ASIP: variants seen among roughly 807,000 people sequenced by gnomAD.
ASIP encodes agouti signaling protein, also known as agouti-signaling protein.
Under a neutral mutation model 10.3 loss-of-function variants are expected in ASIP, and 11 were observed. The observed-to-expected ratio is 1.07, with a 90% CI of 0.68 to 1.78. ASIP has a LOEUF of 1.78. Among genes scored for constraint, ASIP ranks in the 40% most tolerant of loss-of-function variants. The probability of loss-of-function intolerance (pLI) is 0.00; values close to 1 mark genes in which losing one functional copy is unlikely to be tolerated. For synonymous variants in ASIP, 70 were observed against 70.8 expected (o/e 0.99, Z 0.06); for missense variants, 180 against 169.2 (o/e 1.06, Z -0.35).
intron 1 of ASIP, among the ~76,000 whole-genome samples, chr20:34,235,881 GGAAGGAAGGAAGGAAGGAAAGGAA>G (rs2035189779): frequency 3.0e-5 from 3 of 98,638 alleles, no homozygotes; most frequent in Admixed American, 9.3e-5. Context: ...AAGGAAGGAA[GGAAGGAAGGAAGGAAGGAAAGGAA>G]GGAAGGAAGG....
intron 1 of ASIP, among the ~76,000 whole-genome samples, chr20:34,221,588 A>G (rs1006746402): frequency 1.3e-5 from 2 of 152,202 alleles, no homozygotes; most frequent in African/African-American, 4.8e-5. Flanking sequence ...TCTAATAAGC[A>G]AAATGGGATA....
At chr20:34,221,127 C>G (rs1406180478) in intron 1 of ASIP, among the ~76,000 whole-genome samples, 2 of 151,878 alleles carry the variant, frequency 1.3e-5, no homozygotes, top group African/African-American at 4.8e-5. Flanking sequence ...GCCTGTAATC[C>G]CAGCTTTTTG....
At chr20:34,211,736 T>C (rs1220495093) in intron 1 of ASIP, among the ~76,000 whole-genome samples, 1 of 152,246 alleles carries the variant, frequency 6.6e-6, no homozygotes, top group South Asian at 2.1e-4. Flanking sequence ...TTCTGAGTTA[T>C]GTTGTTTCCT....
intron 1 of ASIP, among the ~76,000 whole-genome samples, chr20:34,245,278 G>C (rs1168332237): frequency 6.8e-6 from 1 of 146,024 alleles, no homozygotes; most frequent in Admixed American, 6.9e-5. Context: ...AGGTGGCAGT[G>C]AGCTGAGATC....
chr20:34,219,962 T>C (rs560641167), intron 1 of ASIP, among the ~76,000 whole-genome samples: 12 of 152,136 alleles, frequency 7.9e-5, no homozygotes, highest in African/African-American at 2.2e-4. Flanking sequence ...TGGTGGTGGG[T>C]GCCTGTAGTC....
rs1475492388 is a variant in ASIP, at chr20:34,269,061, A to G, written c.293A>G (p.Asn98Ser). 6.3e-7 allele frequency: 1 copy of G among 1,597,140 alleles called. No homozygotes were observed. The highest frequency in any genetic ancestry group is 8.5e-7 in the Non-Finnish European group (1 of 1,172,662). The stretch of plus-strand genomic sequence containing the variant: ...TCTGCGCCCTGCGTGGCCACCCGCA[A>G]CAGCTGCAAGCCGCCGGCACCCGCC... ...PLSAPCVATR[N>S]SCKPPAPACC... Residue 98 changes from asparagine (N) to serine (S), a missense_variant, in exon 4 of 4, where the codon AAC becomes AGC. Coordinates refer to ENST00000374954, the MANE Select transcript of ASIP (RefSeq NM_001672.3).
chr20:34,246,831 C>G (rs1198167128), intron 1 of ASIP, among the ~76,000 whole-genome samples: 16 of 152,072 alleles, frequency 1.1e-4, no homozygotes, highest in Admixed American at 1.0e-3. Flanking sequence ...ATTCCCACAA[C>G]TCTTCTATTT....
chr20:34,236,296 T>G (rs1327368672), intron 1 of ASIP, among the ~76,000 whole-genome samples: 1 of 152,146 alleles, frequency 6.6e-6, no homozygotes, highest in Admixed American at 6.6e-5. Context: ...TCCCAGCACT[T>G]TGGGAGGCCG....
chr20:34,187,831 A>C, the ASIP span, among the ~76,000 whole-genome samples: 1 of 152,232 alleles, frequency 6.6e-6, no homozygotes, highest in East Asian at 1.9e-4. Flanking sequence ...TATCACTTGA[A>C]AATGGGGCAG....
At chr20:34,262,343 G>A (rs538338932) in intron 2 of ASIP, among the ~76,000 whole-genome samples, 1 of 152,300 alleles carries the variant, frequency 6.6e-6, no homozygotes, top group Non-Finnish European at 1.5e-5. Context: ...CAGCCACATA[G>A]TCATTATATT....
chr20:34,239,828 C>T (rs1224816859), upstream of ASIP, among the ~76,000 whole-genome samples: 2 of 152,192 alleles, frequency 1.3e-5, no homozygotes, highest in Admixed American at 6.5e-5. Context: ...CACTCTTCTG[C>T]ACCCATCACC....
In ASIP at chr20:34,258,990, C is replaced by T. The variant is rs534017199; in HGVS notation, c.-10-1375C>T. Among the ~76,000 whole-genome samples the T allele has an allele frequency of 2.7e-5, 4 of 145,542 alleles. No individual in the cohort carries two copies. In the South Asian group the frequency reaches 8.6e-4, roughly 31 times the overall value. ...GGCTTAGGTGGGAGGATCACTTGAGCCCAGGAGTTCAAGACCAACCTGGGT... is the reference window on the plus strand; with the variant it reads ...GGCTTAGGTGGGAGGATCACTTGAGTCCAGGAGTTCAAGACCAACCTGGGT... On this transcript the variant is annotated intron_variant, in intron 1 of 3. Transcript: ENST00000374954.
chr20:34,236,258 G>A (rs1462476400), intron 1 of ASIP, among the ~76,000 whole-genome samples: 2 of 152,196 alleles, frequency 1.3e-5, no homozygotes, highest in Non-Finnish European at 2.9e-5. Context: ...TCATGGCCAT[G>A]GCTGGGCGCA....
chr20:34,212,172 C>T (rs921516489), intron 1 of ASIP, among the ~76,000 whole-genome samples: 1 of 152,110 alleles, frequency 6.6e-6, no homozygotes, highest in Admixed American at 6.5e-5. Context: ...TATTATTAAA[C>T]TCACCTAATA....
chr20:34,267,293 G>A (rs896116363), intron 3 of ASIP, among the ~76,000 whole-genome samples: 2 of 151,896 alleles, frequency 1.3e-5, no homozygotes, highest in South Asian at 4.2e-4. Context: ...CTGAAGGGAA[G>A]AGTGGTCTGG....
chr20:34,213,046 C>T (rs2034984562), intron 1 of ASIP, among the ~76,000 whole-genome samples: 1 of 152,140 alleles, frequency 6.6e-6, no homozygotes, highest in South Asian at 2.1e-4. Flanking sequence ...AACTTAGTTG[C>T]CATTGTAACA....
intron 1 of ASIP, among the ~76,000 whole-genome samples, chr20:34,208,673 T>C (rs910772782): frequency 6.6e-6 from 1 of 152,214 alleles, no homozygotes; most frequent in African/African-American, 2.4e-5. Context: ...GGTGTGTAGA[T>C]AAGGACTGCA....
At chr20:34,256,525 AT>A (rs1376641421) in intron 1 of ASIP, among the ~76,000 whole-genome samples, 4 of 152,080 alleles carry the variant, frequency 2.6e-5, no homozygotes, top group Non-Finnish European at 5.9e-5. Context: ...CTGGTCTCAA[AT>A]TCCTAAGATC....
At chr20:34,214,730 T>C in intron 1 of ASIP, 1 of 1,170,556 alleles carries the variant, frequency 8.5e-7, no homozygotes, top group Non-Finnish European at 1.3e-6. Context: ...AATTTTTTCA[T>C]AACGGCCAAC....
Sources: allele counts gnomAD v4.1 joint callset (sites outside exome capture counted in the v4.1 genomes callset), GRCh38; gene constraint gnomAD v4.1.1; transcripts MANE v1.5; gene names NCBI Gene and HGNC (gene_info 2026-07-23, HGNC 2026-07-21).